NTM: variants seen among roughly 807,000 people sequenced by gnomAD.
NTM encodes IgLON family member 2.
Under a neutral mutation model 42.1 loss-of-function variants are expected in NTM, and 13 were observed. That is an observed-to-expected ratio of 0.31 (90% CI 0.20 to 0.49). NTM has a LOEUF of 0.49. NTM is among the 20% of genes least tolerant of loss of function. The pLI is 0.99. For synonymous variants in NTM, 187 were observed against 179.2 expected (o/e 1.04, Z -0.35); for missense variants, 373 against 452.8 (o/e 0.82, Z 1.60).
At chr11:131,430,792 C>A (rs529370400) in intron 1 of NTM, among the ~76,000 whole-genome samples, 2 of 152,252 alleles carry the variant, frequency 1.3e-5, no homozygotes, top group South Asian at 2.1e-4. Context: ...GGTCTCCCTG[C>A]AGGCTACAGC....
intron 2 of NTM, among the ~76,000 whole-genome samples, chr11:132,021,996 G>A (rs2074416972): frequency 6.6e-6 from 1 of 152,302 alleles, no homozygotes; most frequent in East Asian, 1.9e-4. Flanking sequence ...AGAACCTGGG[G>A]TAGTCATTGG....
intron 1 of NTM, among the ~76,000 whole-genome samples, chr11:131,713,817 G>A (rs2077409962): frequency 6.6e-6 from 1 of 152,190 alleles, no homozygotes; most frequent in African/African-American, 2.4e-5. Flanking sequence ...TTTTACAGCA[G>A]GAGTGAAAGT....
intron 1 of NTM, among the ~76,000 whole-genome samples, chr11:131,444,248 C>T (rs1459709769): frequency 9.2e-6 from 1 of 108,184 alleles, no homozygotes; most frequent in Non-Finnish European, 2.0e-5. Flanking sequence ...ATATGGGGGA[C>T]AGAAAGAAGA....
At chr11:131,859,115 C>T (rs1274892101) in intron 1 of NTM, among the ~76,000 whole-genome samples, 1 of 152,066 alleles carries the variant, frequency 6.6e-6, no homozygotes, top group Non-Finnish European at 1.5e-5. Flanking sequence ...TGTGTGCATC[C>T]GTCTGTCCGT....
intron 1 of NTM, among the ~76,000 whole-genome samples, chr11:131,645,624 A>T (rs1445069751): frequency 6.6e-6 from 1 of 152,214 alleles, no homozygotes; most frequent in African/African-American, 2.4e-5. Context: ...GTACTTTGGC[A>T]TTCTTCTAGT....
At chr11:131,523,782 C>CAAAA (rs3040114) in intron 1 of NTM, among the ~76,000 whole-genome samples, 39 of 72,164 alleles carry the variant, frequency 5.4e-4, no homozygotes, top group African/African-American at 1.1e-3. Context: ...GACTCCATCT[C>CAAAA]AAAAAAAAAA....
intron 1 of NTM, among the ~76,000 whole-genome samples, chr11:131,866,612 C>T (rs556022005): frequency 6.6e-6 from 1 of 152,246 alleles, no homozygotes; most frequent in African/African-American, 2.4e-5. Flanking sequence ...AAAATACCTG[C>T]GCCCTCCATG....
intron 1 of NTM, chr11:131,538,943 A>ATTTTTTTTTTTTT (rs1189734867): frequency 9.7e-5 from 7 of 72,372 alleles, no homozygotes; most frequent in Admixed American, 1.6e-4. Flanking sequence ...TTTTTTTTTA[A>ATTTTTTTTTTTTT]TTTTTTTGAG....
In NTM at chr11:131,840,804, G is replaced by A. The variant is rs764160774; in HGVS notation, c.83-70760G>A. On this transcript the variant is annotated intron_variant, in intron 1 of 8. Coordinates refer to ENST00000683400, the MANE Select transcript of NTM (RefSeq NM_001352005.2). Reference sequence around the variant, plus strand: ...GCTGGCTCACTGGAGGACCTGGAGCGGGACCCTGGAAGTGCTCTTCTGAAC... The same window carrying A: ...GCTGGCTCACTGGAGGACCTGGAGCAGGACCCTGGAAGTGCTCTTCTGAAC... Among the ~76,000 whole-genome samples the A allele has an allele frequency of 3.9e-5, 6 of 152,136 alleles. No homozygotes were observed. The East Asian group carries it at 5.8e-4, about 15-fold the overall frequency.
intron 1 of NTM, among the ~76,000 whole-genome samples, chr11:131,475,149 C>T (rs1386622015): frequency 6.6e-6 from 1 of 152,184 alleles, no homozygotes; most frequent in East Asian, 1.9e-4. Flanking sequence ...TCCCAGTTGG[C>T]TGGGCCCGGT....
intron 1 of NTM, among the ~76,000 whole-genome samples, chr11:131,542,633 T>C (rs144781504): frequency 2.9e-4 from 44 of 152,272 alleles, no homozygotes; most frequent in African/African-American, 8.9e-4. Flanking sequence ...AGCACCCACA[T>C]TTATCAGCTC....
chr11:132,053,787 A>G (rs1471866006), intron 2 of NTM, among the ~76,000 whole-genome samples: 1 of 152,224 alleles, frequency 6.6e-6, no homozygotes, highest in African/African-American at 2.4e-5. Context: ...GAAGGCACTT[A>G]ATGTAGGTTC....
intron 2 of NTM, among the ~76,000 whole-genome samples, chr11:131,917,870 G>A (rs968301483): frequency 6.6e-6 from 1 of 152,192 alleles, no homozygotes; most frequent in Non-Finnish European, 1.5e-5. Flanking sequence ...TTCAGCTGTT[G>A]AGGAGCCAAA....
At chr11:131,765,524 AG>A (rs2084963475) in intron 1 of NTM, among the ~76,000 whole-genome samples, 1 of 152,224 alleles carries the variant, frequency 6.6e-6, no homozygotes, top group African/African-American at 2.4e-5. Flanking sequence ...TTCCCCTCAA[AG>A]CTTCATGTAA....
At chr11:131,490,695 CAT>C (rs1178830383) in intron 1 of NTM, among the ~76,000 whole-genome samples, 2 of 152,212 alleles carry the variant, frequency 1.3e-5, no homozygotes, top group African/African-American at 4.8e-5. Flanking sequence ...GTCACCTGGT[CAT>C]GTTTTGTAAA....
chr11:132,091,106 C>G (rs950220411), intron 2 of NTM, among the ~76,000 whole-genome samples: 1 of 152,160 alleles, frequency 6.6e-6, no homozygotes, highest in African/African-American at 2.4e-5. Flanking sequence ...ATTTTCTCTT[C>G]TGGACATGGT....
intron 1 of NTM, among the ~76,000 whole-genome samples, chr11:131,399,336 A>T (rs1454799007): frequency 6.6e-6 from 1 of 152,190 alleles, no homozygotes; most frequent in African/African-American, 2.4e-5. Context: ...GAGCTGGAAT[A>T]GTCCTGCAGT....
intron 8 of NTM, among the ~76,000 whole-genome samples, chr11:132,334,716 T>C (rs1433962971): frequency 1.3e-5 from 2 of 152,032 alleles, no homozygotes; most frequent in African/African-American, 4.8e-5. Context: ...CTGTGTAGGA[T>C]ATTAATGAAT....
intron 1 of NTM, among the ~76,000 whole-genome samples, chr11:131,485,943 C>T (rs1344844610): frequency 6.6e-6 from 1 of 152,106 alleles, no homozygotes; most frequent in Non-Finnish European, 1.5e-5. Context: ...GCTATGTGAC[C>T]TTGGGCAAAT....
Sources: gnomAD v4.1 joint callset for allele counts (sites outside exome capture counted in the v4.1 genomes callset) on GRCh38, gnomAD v4.1.1 for gene constraint, MANE v1.5 for transcripts, NCBI Gene and HGNC (gene_info 2026-07-23, HGNC 2026-07-21) for gene names.